Variants in NCKAP5 observed in about 807,000 individuals in gnomAD.
The protein encoded by NCKAP5 is NCK associated protein 5.
NCKAP5 carries 92 observed loss-of-function variants against 167.0 expected under a neutral mutation model. That is an observed-to-expected ratio of 0.55 (90% confidence interval 0.47 to 0.66). NCKAP5 has a LOEUF of 0.66. Among genes scored for constraint, NCKAP5 ranks in the 30% least tolerant of loss-of-function variants. The pLI, the probability that NCKAP5 is intolerant of heterozygous loss-of-function variation, is 0.00. For missense variants in NCKAP5, 2,378 were observed against 2,315.0 expected, an observed-to-expected ratio of 1.03 and a Z score of -0.56; for synonymous variants, 891 against 877.4, an observed-to-expected ratio of 1.02 and a Z score of -0.27.
intron 11 of NCKAP5, among the ~76,000 whole-genome samples, chr2:132,818,729 A>T (rs1686479194): frequency 6.6e-6 from 1 of 152,242 alleles, no homozygotes; most frequent in South Asian, 2.1e-4. Flanking sequence ...ATGCATCTTT[A>T]GTTTCATTAA....
intron 4 of NCKAP5, among the ~76,000 whole-genome samples, chr2:133,283,660 G>A (rs2090006500): frequency 2.0e-5 from 3 of 151,264 alleles, no homozygotes; most frequent in Admixed American, 2.0e-4. Context: ...GCCAAGGCTG[G>A]AGTGCAATGG....
chr2:133,158,924 G>A (rs6430395), intron 5 of NCKAP5, among the ~76,000 whole-genome samples: 66,724 of 138,070 alleles, frequency 0.48, 19,725 homozygotes, highest in African/African-American at 0.74. Flanking sequence ...TGCTCTTAAG[G>A]GCTACAGTAG....
intron 3 of NCKAP5, among the ~76,000 whole-genome samples, chr2:133,436,382 T>TA (rs1250687084): frequency 1.3e-5 from 2 of 152,178 alleles, no homozygotes; most frequent in African/African-American, 4.8e-5. Flanking sequence ...CTCACACATC[T>TA]AGCTCATCTT....
intron 8 of NCKAP5, among the ~76,000 whole-genome samples, chr2:132,941,639 T>C (rs1432756027): frequency 6.6e-6 from 1 of 152,204 alleles, no homozygotes; most frequent in Non-Finnish European, 1.5e-5. Context: ...TCTCATGGCC[T>C]GAAACCTGGG....
intron 3 of NCKAP5, among the ~76,000 whole-genome samples, chr2:133,347,289 C>A (rs1311252205): frequency 2.0e-5 from 3 of 152,086 alleles, no homozygotes; most frequent in Non-Finnish European, 4.4e-5. Context: ...CACGGTGGCT[C>A]ACACCTGTAA....
chr2:133,019,938 A>G (rs1311089632), intron 6 of NCKAP5, among the ~76,000 whole-genome samples: 4 of 152,240 alleles, frequency 2.6e-5, no homozygotes, highest in Admixed American at 6.5e-5. Flanking sequence ...GCACTGGGGC[A>G]GCTGCCTGCC....
intron 2 of NCKAP5, among the ~76,000 whole-genome samples, chr2:133,533,575 A>C (rs1476508306): frequency 3.9e-5 from 6 of 152,210 alleles, no homozygotes; most frequent in Admixed American, 3.9e-4. Context: ...GGAAAGGGGA[A>C]GGCAGCCTAA....
intron 3 of NCKAP5, among the ~76,000 whole-genome samples, chr2:133,499,750 G>A (rs1279010532): frequency 6.6e-6 from 1 of 152,076 alleles, no homozygotes; most frequent in African/African-American, 2.4e-5. Flanking sequence ...AGTAGAGACG[G>A]GGTTTCACCA....
chr2:132,980,284 A>G lies in NCKAP5; in HGVS notation c.429+13868T>C, dbSNP rs542818313. 2.0e-5 allele frequency among the ~76,000 whole-genome samples: 3 copies of G among 152,018 alleles called. No individual in the cohort carries two copies. The South Asian group carries it at 6.2e-4, about 32-fold the overall frequency. On this transcript the variant is annotated intron_variant, in intron 7 of 19. Coordinates refer to ENST00000409261, the MANE Select transcript of NCKAP5 (RefSeq NM_207363.3). ...TGGGATTACAGGTGTGAGCCACTGC[A>G]CCCAGCCCGCAATGATTCTTAACCC...
chr2:132,676,558 G>C (rs1684524720), intron 19 of NCKAP5, among the ~76,000 whole-genome samples: 1 of 151,982 alleles, frequency 6.6e-6, no homozygotes, highest in African/African-American at 2.4e-5. Context: ...TCAGATCTCA[G>C]ATATTTTTAA....
chr2:133,172,408 C>T (rs2084284684), intron 5 of NCKAP5, among the ~76,000 whole-genome samples: 1 of 152,234 alleles, frequency 6.6e-6, no homozygotes, highest in South Asian at 2.1e-4. Context: ...AATGTTTCTG[C>T]ATCACAAATC....
At chr2:133,321,394 T>C (rs1398163820) in intron 3 of NCKAP5, among the ~76,000 whole-genome samples, 2 of 152,208 alleles carry the variant, frequency 1.3e-5, no homozygotes, top group Admixed American at 6.5e-5. Flanking sequence ...CAACCTACTA[T>C]TAAAAGTGAA....
At chr2:132,851,325 G>C (rs923968226) in intron 11 of NCKAP5, among the ~76,000 whole-genome samples, 2 of 152,126 alleles carry the variant, frequency 1.3e-5, no homozygotes, top group Non-Finnish European at 2.9e-5. Flanking sequence ...GTGTCTTTTT[G>C]CCTTTGAATC....
At chr2:133,064,388 G>T (rs1422816952) in intron 6 of NCKAP5, among the ~76,000 whole-genome samples, 1 of 151,968 alleles carries the variant, frequency 6.6e-6, no homozygotes, top group African/African-American at 2.4e-5. Flanking sequence ...TCCTAAAAGG[G>T]TCTGCTAACA....
At chr2:132,849,307 T>C (rs1688907872) in intron 11 of NCKAP5, among the ~76,000 whole-genome samples, 1 of 152,196 alleles carries the variant, frequency 6.6e-6, no homozygotes, top group Non-Finnish European at 1.5e-5. Flanking sequence ...TTCCAACTCC[T>C]GCTTATCTCA....
intron 6 of NCKAP5, among the ~76,000 whole-genome samples, chr2:133,045,479 T>C (rs2079365520): frequency 6.6e-6 from 1 of 152,076 alleles, no homozygotes; most frequent in South Asian, 2.1e-4. Flanking sequence ...AACATGAAGG[T>C]GGCCATATTT....
intron 3 of NCKAP5, among the ~76,000 whole-genome samples, chr2:133,379,084 T>C (rs573854505): frequency 2.0e-5 from 3 of 152,332 alleles, no homozygotes; most frequent in Non-Finnish European, 4.4e-5. Flanking sequence ...TGTATAATGA[T>C]AGAACTCTAT....
At chr2:133,149,236 T>C (rs1483362312) in intron 5 of NCKAP5, among the ~76,000 whole-genome samples, 2 of 152,208 alleles carry the variant, frequency 1.3e-5, no homozygotes, top group African/African-American at 2.4e-5. Flanking sequence ...AAGTATGATG[T>C]ATTTATGTCA....
chr2:133,135,627 T>C (rs1278600763), intron 5 of NCKAP5, among the ~76,000 whole-genome samples: 1 of 151,734 alleles, frequency 6.6e-6, no homozygotes, highest in African/African-American at 2.4e-5. Flanking sequence ...TTAAAATAAA[T>C]ATAATAAATT....
Sources: allele counts gnomAD v4.1 joint callset (sites outside exome capture counted in the v4.1 genomes callset), GRCh38; gene constraint gnomAD v4.1.1; transcripts MANE v1.5; gene names NCBI Gene and HGNC (gene_info 2026-07-23, HGNC 2026-07-21).